Variants in PABPC4L observed in about 807,000 individuals in gnomAD.
PABPC4L encodes poly(A) binding protein cytoplasmic 4 like.
For missense variants in PABPC4L, 452 were observed against 451.4 expected (o/e 1.00, Z -0.01); for synonymous variants, 169 against 164.1 (o/e 1.03, Z -0.23).
the PABPC4L span, among the ~76,000 whole-genome samples, chr4:134,174,839 A>G: frequency 6.6e-6 from 1 of 152,106 alleles, no homozygotes; most frequent in African/African-American, 2.4e-5. Context: ...TTTTATTTAC[A>G]GATTTTTCTA....
At chr4:133,956,464 G>C in the PABPC4L span, among the ~76,000 whole-genome samples, 1 of 152,060 alleles carries the variant, frequency 6.6e-6, no homozygotes, top group Non-Finnish European at 1.5e-5. Context: ...TCTCCTGATA[G>C]GATTCAGGAC....
the PABPC4L span, among the ~76,000 whole-genome samples, chr4:133,959,693 C>T: frequency 6.6e-6 from 1 of 152,132 alleles, no homozygotes; most frequent in Admixed American, 6.5e-5. Context: ...CACACACGCA[C>T]TGGGAGAAGA....
the PABPC4L span, among the ~76,000 whole-genome samples, chr4:134,096,704 C>T: frequency 2.0e-5 from 3 of 151,866 alleles, no homozygotes; most frequent in South Asian, 2.1e-4. Flanking sequence ...AACATTCTAC[C>T]TAGCCTCAGG....
At chr4:134,110,322 T>G in the PABPC4L span, among the ~76,000 whole-genome samples, 1 of 152,118 alleles carries the variant, frequency 6.6e-6, no homozygotes, top group Non-Finnish European at 1.5e-5. Context: ...TAAGAAAAAT[T>G]TAGGATACTT....
At chr4:134,129,841 G>A in the PABPC4L span, among the ~76,000 whole-genome samples, 2 of 151,852 alleles carry the variant, frequency 1.3e-5, no homozygotes, top group African/African-American at 2.4e-5. Context: ...GGCCAAGGCG[G>A]GGGAAATCAC....
At chr4:134,076,933 C>A in the PABPC4L span, among the ~76,000 whole-genome samples, 1 of 152,052 alleles carries the variant, frequency 6.6e-6, no homozygotes, top group East Asian at 1.9e-4. Flanking sequence ...CCTGTCATAG[C>A]AATATATCTC....
the PABPC4L span, among the ~76,000 whole-genome samples, chr4:134,018,975 C>A: frequency 2.0e-5 from 3 of 151,940 alleles, no homozygotes; most frequent in Non-Finnish European, 4.4e-5. Context: ...TGTGTTATTT[C>A]CCTTCCAAGT....
the PABPC4L span, among the ~76,000 whole-genome samples, chr4:134,062,502 T>G: frequency 9.9e-5 from 15 of 151,870 alleles, no homozygotes; most frequent in African/African-American, 3.6e-4. Flanking sequence ...TGTGCTAGCA[T>G]GTAAAAAAAA....
At chr4:134,150,019 AC>A in the PABPC4L span, among the ~76,000 whole-genome samples, 1 of 151,788 alleles carries the variant, frequency 6.6e-6, no homozygotes, top group African/African-American at 2.4e-5. Flanking sequence ...GTAACTAAGG[AC>A]AGACCATTTT....
At chr4:134,125,023 G>A in the PABPC4L span, among the ~76,000 whole-genome samples, 1 of 151,972 alleles carries the variant, frequency 6.6e-6, no homozygotes, top group Non-Finnish European at 1.5e-5. Context: ...TGCATATAGG[G>A]GATGGTAGTA....
At chr4:134,099,020 G>C in the PABPC4L span, among the ~76,000 whole-genome samples, 1 of 151,580 alleles carries the variant, frequency 6.6e-6, no homozygotes, top group Non-Finnish European at 1.5e-5. Flanking sequence ...AGAAGAAAGG[G>C]AATGTTGAAG....
the PABPC4L span, among the ~76,000 whole-genome samples, chr4:134,172,491 A>G: frequency 6.6e-6 from 1 of 152,084 alleles, no homozygotes; most frequent in Non-Finnish European, 1.5e-5. Context: ...GCTTCCTTAC[A>G]CCATATGCAA....
the PABPC4L span, among the ~76,000 whole-genome samples, chr4:134,191,078 T>C: frequency 6.6e-6 from 1 of 152,176 alleles, no homozygotes; most frequent in Admixed American, 6.6e-5. Context: ...TCAGTAGAAA[T>C]ATTCAGTATG....
chr4:134,069,121 G>A, the PABPC4L span, among the ~76,000 whole-genome samples: 1 of 152,052 alleles, frequency 6.6e-6, no homozygotes, highest in Non-Finnish European at 1.5e-5. Flanking sequence ...TTCTTGGTTG[G>A]AATTTCTTTT....
chr4:133,983,683 A>G, the PABPC4L span, among the ~76,000 whole-genome samples: 1 of 152,022 alleles, frequency 6.6e-6, no homozygotes, highest in South Asian at 2.1e-4. Flanking sequence ...CTAAGTGGAT[A>G]TAATTCTATA....
chr4:134,147,749 G>GTGTGTGTGTTGT, the PABPC4L span, among the ~76,000 whole-genome samples: 344 of 149,028 alleles, frequency 2.3e-3, 3 homozygotes, highest in African/African-American at 8.1e-3. Context: ...GTGTGTGTGT[G>GTGTGTGTGTTGT]TGTTGTTGTT....
chr4:134,135,002 CAAAG>C, the PABPC4L span, among the ~76,000 whole-genome samples: 3,412 of 151,946 alleles, frequency 0.022, 130 homozygotes, highest in African/African-American at 0.078. Flanking sequence ...GTTATTGAAG[CAAAG>C]AACACCATCC....
At chr4:133,988,097 A>G in the PABPC4L span, among the ~76,000 whole-genome samples, 280 of 152,264 alleles carry the variant, frequency 1.8e-3, no homozygotes, top group African/African-American at 6.4e-3. Context: ...ATTACCTCCC[A>G]CAATGTCCCT....
At chr4:134,023,619 CT>C in the PABPC4L span, among the ~76,000 whole-genome samples, 26 of 151,970 alleles carry the variant, frequency 1.7e-4, no homozygotes, top group Middle Eastern at 6.8e-3. Flanking sequence ...TTTATTTAGG[CT>C]TTTAAAAAAG....
Sources: allele counts gnomAD v4.1 joint callset (sites outside exome capture counted in the v4.1 genomes callset), GRCh38; gene constraint gnomAD v4.1.1; transcripts MANE v1.5; gene names NCBI Gene and HGNC (gene_info 2026-07-23, HGNC 2026-07-21).